Variants in NAALADL2 observed in about 807,000 individuals in gnomAD.
NAALADL2 encodes N-acetylated alpha-linked acidic dipeptidase like 2, also known as inactive N-acetylated-alpha-linked acidic dipeptidase-like protein 2.
In NAALADL2, 76 loss-of-function variants were observed where a neutral mutation model predicts 87.2. The observed-to-expected ratio is 0.87, with a 90% CI of 0.72 to 1.05. The LOEUF (loss-of-function observed/expected upper bound fraction) is 1.05, where lower values mean the gene tolerates loss of function less well. Ranked by LOEUF, NAALADL2 falls within the 50% of genes least tolerant of loss-of-function variation. The probability of loss-of-function intolerance (pLI) is 0.00; values close to 1 mark genes in which losing one functional copy is unlikely to be tolerated. For synonymous variants in NAALADL2, 354 were observed against 331.0 expected (o/e 1.07, Z -0.75); for missense variants, 1,089 against 945.8 (o/e 1.15, Z -1.99).
intron 4 of NAALADL2, among the ~76,000 whole-genome samples, chr3:175,303,274 A>G (rs1383517385): frequency 6.6e-6 from 1 of 151,802 alleles, no homozygotes; most frequent in Non-Finnish European, 1.5e-5. Flanking sequence ...TGTAGATTCA[A>G]CTGCAAAGAA....
At chr3:175,639,446 G>A (rs1366720976) in intron 11 of NAALADL2, among the ~76,000 whole-genome samples, 1 of 148,968 alleles carries the variant, frequency 6.7e-6, no homozygotes, top group Non-Finnish European at 1.5e-5. Context: ...TCAGTCTCCC[G>A]AGTAGCTGGG....
At chr3:174,801,097 T>A (rs2109250081) in intron 3 of NAALADL2, among the ~76,000 whole-genome samples, 1 of 152,252 alleles carries the variant, frequency 6.6e-6, no homozygotes, top group East Asian at 1.9e-4. Flanking sequence ...CTGAAATGAG[T>A]TGAGACTTGG....
chr3:174,589,086 C>T (rs566127661), intron 2 of NAALADL2, among the ~76,000 whole-genome samples: 1 of 152,286 alleles, frequency 6.6e-6, no homozygotes, highest in South Asian at 2.1e-4. Flanking sequence ...GCGGACACCC[C>T]TCCCCCAGCC....
intron 1 of NAALADL2, among the ~76,000 whole-genome samples, chr3:174,910,152 A>G (rs1217874939): frequency 6.6e-6 from 1 of 151,638 alleles, no homozygotes; most frequent in Non-Finnish European, 1.5e-5. Context: ...ACTTTATTTT[A>G]ATAGTTTATA....
chr3:175,630,208 C>T (rs1312791128), intron 11 of NAALADL2, among the ~76,000 whole-genome samples: 4 of 151,704 alleles, frequency 2.6e-5, no homozygotes, highest in African/African-American at 9.7e-5. Context: ...ATAGATACTT[C>T]ATTTTAATGT....
chr3:174,830,456 T>C (rs961114297), intron 3 of NAALADL2, among the ~76,000 whole-genome samples: 1 of 152,126 alleles, frequency 6.6e-6, no homozygotes, highest in Non-Finnish European at 1.5e-5. Context: ...GGCTCTGTTC[T>C]TTTCCATTGA....
chr3:175,524,779 AGAGATAGCTTGTTAACAAGT>A (rs2149429189), intron 9 of NAALADL2, among the ~76,000 whole-genome samples: 1 of 152,304 alleles, frequency 6.6e-6, no homozygotes, highest in South Asian at 2.1e-4. Context: ...AGTTAACAAG[AGAGATAGCTTGTTAACAAGT>A]GAGACATCTT....
chr3:175,107,745 C>T (rs954130199), intron 2 of NAALADL2, among the ~76,000 whole-genome samples: 1 of 149,524 alleles, frequency 6.7e-6, no homozygotes, highest in Non-Finnish European at 1.5e-5. Context: ...ATATTTATTT[C>T]ATTAAAAAAT....
intron 11 of NAALADL2, among the ~76,000 whole-genome samples, chr3:175,650,954 T>A (rs1180246479): frequency 6.6e-6 from 1 of 152,188 alleles, no homozygotes. Context: ...TTACATAACT[T>A]CTCTGAGTTT....
rs115178254 is a variant in NAALADL2 at position 174,840,346 on chromosome 3, C to T, written c.-9+102600C>T. Among the ~76,000 whole-genome samples the T allele has an allele frequency of 5.8e-3, 884 of 152,118 alleles. 9 individuals carry two copies. The highest frequency in any genetic ancestry group is 0.02 in the African/African-American group (835 of 41,500). ...ACACTTATGAATCCGGCATATCTAA[C>T]ACCAGCAACTAGGAACTGCTCTCAA... On this transcript the variant is annotated intron_variant, in intron 3 of 3. Transcript: ENST00000434257.
intron 1 of NAALADL2, among the ~76,000 whole-genome samples, chr3:175,012,356 C>T (rs577592528): frequency 2.6e-5 from 4 of 151,776 alleles, no homozygotes; most frequent in Non-Finnish European, 5.9e-5. Context: ...TTAGTAGAGA[C>T]GGAGTTTCAC....
upstream of NAALADL2, among the ~76,000 whole-genome samples, chr3:174,856,417 ACAAT>A (rs1396897061): frequency 1.2e-4 from 18 of 152,100 alleles, no homozygotes; most frequent in Non-Finnish European, 1.6e-4. Flanking sequence ...AATTTTAGAA[ACAAT>A]CAATAAGTGT....
intron 2 of NAALADL2, among the ~76,000 whole-genome samples, chr3:174,621,710 A>C (rs1025437347): frequency 1.3e-4 from 20 of 152,184 alleles, no homozygotes; most frequent in Non-Finnish European, 2.2e-4. Flanking sequence ...CACAACTAGA[A>C]AAGAACGTTG....
upstream of NAALADL2, among the ~76,000 whole-genome samples, chr3:174,858,659 AG>A (rs1449077643): frequency 6.6e-6 from 1 of 152,096 alleles, no homozygotes; most frequent in African/African-American, 2.4e-5. Flanking sequence ...ACTCATCAGA[AG>A]AACAAGAGGG....
intron 10 of NAALADL2, among the ~76,000 whole-genome samples, chr3:175,610,707 G>A (rs565371980): frequency 6.6e-6 from 1 of 152,100 alleles, no homozygotes; most frequent in African/African-American, 2.4e-5. Context: ...CAGAGACATT[G>A]CATTCACATG....
chr3:174,799,204 T>C (rs752903718), intron 3 of NAALADL2, among the ~76,000 whole-genome samples: 12 of 152,100 alleles, frequency 7.9e-5, no homozygotes, highest in Non-Finnish European at 1.6e-4. Context: ...TGTGTTGTTT[T>C]GCTTTGTGGA....
intron 2 of NAALADL2, among the ~76,000 whole-genome samples, chr3:175,109,746 A>G (rs1315994902): frequency 6.6e-6 from 1 of 151,642 alleles, no homozygotes; most frequent in Non-Finnish European, 1.5e-5. Context: ...AGCCTGCCCC[A>G]CCTCTTAACT....
intron 2 of NAALADL2, among the ~76,000 whole-genome samples, chr3:175,113,345 AAGAC>A (rs931236564): frequency 5.9e-5 from 9 of 151,698 alleles, no homozygotes; most frequent in African/African-American, 1.4e-4. Context: ...TGCAGACAGA[AAGAC>A]AGATGCCAAA....
At chr3:175,500,257 A>G (rs1258674400) in intron 9 of NAALADL2, among the ~76,000 whole-genome samples, 1 of 152,104 alleles carries the variant, frequency 6.6e-6, no homozygotes, top group Non-Finnish European at 1.5e-5. Context: ...AGAATGAGGT[A>G]TTTTGCAGGG....
Sources: gnomAD v4.1 joint callset for allele counts (sites outside exome capture counted in the v4.1 genomes callset) on GRCh38, gnomAD v4.1.1 for gene constraint, MANE v1.5 for transcripts, NCBI Gene and HGNC (gene_info 2026-07-23, HGNC 2026-07-21) for gene names.